SGCZ: variants seen among roughly 807,000 people sequenced by gnomAD.
The protein encoded by SGCZ is sarcoglycan zeta.
SGCZ carries 40 observed loss-of-function variants against 41.3 expected under a neutral mutation model. The ratio of observed to expected loss-of-function variants is 0.97; its 90% CI spans 0.75 to 1.26. The LOEUF (loss-of-function observed/expected upper bound fraction) is 1.26, where lower values mean the gene tolerates loss of function less well. Among genes scored for constraint, SGCZ ranks in the 50% most tolerant of loss-of-function variants. The probability of loss-of-function intolerance (pLI) is 0.00; values close to 1 mark genes in which losing one functional copy is unlikely to be tolerated. For missense variants in SGCZ, 552 were observed against 369.8 expected (o/e 1.49, Z -4.04); for synonymous variants, 206 against 137.5 (o/e 1.50, Z -3.49).
chr8:14,652,394 C>A (rs1350397803), intron 1 of SGCZ, among the ~76,000 whole-genome samples: 2 of 148,434 alleles, frequency 1.3e-5, no homozygotes, highest in Admixed American at 6.7e-5. Flanking sequence ...CATATATATT[C>A]ATAATAATAA....
At chr8:14,590,533 A>G (rs1005954848) in intron 1 of SGCZ, among the ~76,000 whole-genome samples, 1 of 151,066 alleles carries the variant, frequency 6.6e-6, no homozygotes, top group Non-Finnish European at 1.5e-5. Context: ...TTATTATTTA[A>G]TCTATTATTT....
rs966352365 is a variant in SGCZ at position 14,511,754 on chromosome 8, T to C, written c.234+42978A>G. Among the ~76,000 whole-genome samples the C allele has an allele frequency of 3.3e-5, 5 of 152,266 alleles. No individual in the cohort carries two copies. In the East Asian group the frequency reaches 5.8e-4, roughly 18 times the overall value. On this transcript the variant is annotated intron_variant, in intron 2 of 7. Coordinates refer to ENST00000382080, the MANE Select transcript of SGCZ (RefSeq NM_139167.4). ...TAATCCAAGTTGTTAAGTATGATTG[T>C]ATAGCCAAAGTTACTGTAGTTCCCA...
chr8:14,348,863 C>G (rs1341781516), intron 2 of SGCZ, among the ~76,000 whole-genome samples: 1 of 152,072 alleles, frequency 6.6e-6, no homozygotes, highest in East Asian at 1.9e-4. Context: ...TTACAAAACT[C>G]TTCATTTAAT....
intron 2 of SGCZ, among the ~76,000 whole-genome samples, chr8:14,372,365 T>C (rs1031194743): frequency 2.0e-5 from 3 of 152,200 alleles, no homozygotes; most frequent in African/African-American, 7.2e-5. Flanking sequence ...ATTCATTCTT[T>C]TGTTGAACAA....
intron 7 of SGCZ, among the ~76,000 whole-genome samples, chr8:14,097,727 C>G (rs978060893): frequency 1.3e-5 from 2 of 152,056 alleles, no homozygotes; most frequent in African/African-American, 2.4e-5. Context: ...GAGTCTAGGT[C>G]TCTTTGTAGG....
chr8:14,267,635 T>C (rs150136712), intron 3 of SGCZ, among the ~76,000 whole-genome samples: 1 of 152,234 alleles, frequency 6.6e-6, no homozygotes, highest in African/African-American at 2.4e-5. Context: ...TTACTCCTGA[T>C]GCTTCAGAGA....
intron 1 of SGCZ, among the ~76,000 whole-genome samples, chr8:15,015,199 C>T (rs62493669): frequency 0.068 from 10,295 of 151,662 alleles, 374 homozygotes; most frequent in East Asian, 0.12. Flanking sequence ...GCCAAGATCA[C>T]GCCACTGCAC....
At chr8:15,115,724 G>C (rs1388307537) in intron 1 of SGCZ, among the ~76,000 whole-genome samples, 1 of 152,076 alleles carries the variant, frequency 6.6e-6, no homozygotes, top group African/African-American at 2.4e-5. Flanking sequence ...GTCTCTTTAG[G>C]TCATTGCTAT....
intron 1 of SGCZ, among the ~76,000 whole-genome samples, chr8:14,884,035 T>C (rs1347101152): frequency 6.6e-6 from 1 of 152,152 alleles, no homozygotes; most frequent in African/African-American, 2.4e-5. Context: ...CCATTTGTTT[T>C]GTCATCCTTA....
chr8:14,421,904 T>G (rs941942515), intron 2 of SGCZ, among the ~76,000 whole-genome samples: 1 of 152,132 alleles, frequency 6.6e-6, no homozygotes, highest in Non-Finnish European at 1.5e-5. Context: ...TTTAAGAATG[T>G]TAGTGGGAAG....
At chr8:14,256,474 T>C (rs1226131005) in intron 3 of SGCZ, among the ~76,000 whole-genome samples, 1 of 152,032 alleles carries the variant, frequency 6.6e-6, no homozygotes, top group Admixed American at 6.6e-5. Flanking sequence ...TCAGAATAAC[T>C]TGCTTCATGC....
chr8:14,322,684 A>T (rs2117028905), intron 3 of SGCZ, among the ~76,000 whole-genome samples: 1 of 152,272 alleles, frequency 6.6e-6, no homozygotes, highest in Non-Finnish European at 1.5e-5. Flanking sequence ...CCCTGGACTT[A>T]TCAGTAAGGA....
intron 1 of SGCZ, among the ~76,000 whole-genome samples, chr8:15,234,479 ACT>A (rs1180462867): frequency 6.6e-6 from 1 of 152,188 alleles, no homozygotes; most frequent in East Asian, 1.9e-4. Context: ...TTGGATGAGA[ACT>A]CTCTCCCTTT....
intron 1 of SGCZ, among the ~76,000 whole-genome samples, chr8:15,132,848 A>C (rs983004005): frequency 6.6e-6 from 1 of 152,202 alleles, no homozygotes; most frequent in African/African-American, 2.4e-5. Context: ...TCTAGCAAAA[A>C]TAAAAGAAGT....
intron 1 of SGCZ, among the ~76,000 whole-genome samples, chr8:15,066,694 C>G (rs755532892): frequency 6.6e-6 from 1 of 152,030 alleles, no homozygotes; most frequent in Non-Finnish European, 1.5e-5. Flanking sequence ...TCGCTTTTTT[C>G]TTTCCTTCTT....
At chr8:14,593,520 T>C (rs2117291198) in intron 1 of SGCZ, among the ~76,000 whole-genome samples, 1 of 152,288 alleles carries the variant, frequency 6.6e-6, no homozygotes, top group Admixed American at 6.5e-5. Context: ...TCCAAGAAAA[T>C]TTTAATTAAA....
intron 1 of SGCZ, among the ~76,000 whole-genome samples, chr8:15,209,538 A>AAAAGAATG (rs71211018): frequency 0.78 from 117,744 of 150,828 alleles, 46,525 homozygotes; most frequent in Non-Finnish European, 0.83. Context: ...CCTAAGTATA[A>AAAAGAATG]AAAGAATGAA....
At chr8:14,114,407 CATT>C (rs1341501249) in intron 5 of SGCZ, among the ~76,000 whole-genome samples, 2 of 151,780 alleles carry the variant, frequency 1.3e-5, no homozygotes, top group East Asian at 1.9e-4. Context: ...AGGGAAATAA[CATT>C]ATTAATTGTC....
At chr8:14,091,376 G>A (rs1801685221) in intron 7 of SGCZ, among the ~76,000 whole-genome samples, 2 of 151,788 alleles carry the variant, frequency 1.3e-5, no homozygotes, top group Non-Finnish European at 2.9e-5. Flanking sequence ...TGGGTCAAAT[G>A]GTATTTCTAG....
Sources: allele counts gnomAD v4.1 joint callset (sites outside exome capture counted in the v4.1 genomes callset), GRCh38; gene constraint gnomAD v4.1.1; transcripts MANE v1.5; gene names NCBI Gene and HGNC (gene_info 2026-07-23, HGNC 2026-07-21).